The following LPP variants were observed in gnomAD, a reference collection of about 807,000 sequenced individuals.
The protein encoded by LPP is lipoma-preferred partner.
Under a neutral mutation model 60.4 loss-of-function variants are expected in LPP, and 38 were observed. That is an observed-to-expected ratio of 0.63 (90% CI 0.49 to 0.83). The LOEUF (loss-of-function observed/expected upper bound fraction) is 0.83, where lower values mean the gene tolerates loss of function less well. LPP is among the 40% of genes least tolerant of loss of function. LPP has a pLI of 0.00. For synonymous variants in LPP, 328 were observed against 290.8 expected (o/e 1.13, Z -1.30); for missense variants, 902 against 783.6 (o/e 1.15, Z -1.80).
chr3:188,158,099 T>A (rs1408363437), intron 1 of LPP, among the ~76,000 whole-genome samples: 2 of 152,136 alleles, frequency 1.3e-5, no homozygotes, highest in African/African-American at 4.8e-5. Context: ...GCGTCATCTC[T>A]GTGGGAGTAG....
In LPP at chr3:188,536,101, C is replaced by T. The variant is rs1265890543; in HGVS notation, c.429+11314C>T. 4.6e-5 allele frequency among the ~76,000 whole-genome samples: 7 copies of T among 151,244 alleles called. No individual in the cohort carries two copies. The South Asian group carries it at 6.3e-4, about 14-fold the overall frequency. ...TCATCTCACCGCAACCACTGCCTCC[C>T]GGGTTCAAGCAATTCTCCCACCTCA... On this transcript the variant is annotated intron_variant, in intron 6 of 11. Transcript: ENST00000617246.
intron 6 of LPP, among the ~76,000 whole-genome samples, chr3:188,529,979 C>T (rs1173111101): frequency 2.6e-5 from 4 of 152,114 alleles, no homozygotes; most frequent in Non-Finnish European, 4.4e-5. Flanking sequence ...GAGAGGACTG[C>T]GTAGAGCAGG....
chr3:188,546,695 C>G (rs955469859), intron 6 of LPP, among the ~76,000 whole-genome samples: 2 of 152,136 alleles, frequency 1.3e-5, no homozygotes, highest in South Asian at 2.1e-4. Context: ...CATCTATTCT[C>G]GTTCCACAAA....
chr3:188,463,851 A>G (rs1283701949), intron 4 of LPP, among the ~76,000 whole-genome samples: 5 of 152,134 alleles, frequency 3.3e-5, no homozygotes, highest in Admixed American at 6.6e-5. Context: ...TGCATCCTTT[A>G]TGTACTTGGT....
chr3:188,570,023 CT>C (rs5855208), intron 6 of LPP, among the ~76,000 whole-genome samples: 59,569 of 145,600 alleles, frequency 0.41, 12,090 homozygotes, highest in Non-Finnish European at 0.44. Context: ...AGTTTAATGG[CT>C]TTTTTTTTTT....
rs1398899862 is a variant in LPP, at chr3:188,185,200, C to T, written c.-190+30948C>T. Among the ~76,000 whole-genome samples, 5 of 149,806 alleles carry T rather than the reference C, an allele frequency of 3.3e-5. No individual in the cohort carries two copies. In the Admixed American group the frequency reaches 3.4e-4, roughly 10 times the overall value. On this transcript the variant is annotated intron_variant, in intron 1 of 11. Coordinates refer to ENST00000617246, the MANE Select transcript of LPP (RefSeq NM_001375462.1). ...AATTGTCCTCTGTTAATTTACAGCT[C>T]TGTGACCTCGAGAATGTTGTTTCTC... is the stretch of plus-strand genomic sequence containing the variant.
chr3:188,754,886 T>C (rs1167650948), intron 8 of LPP, among the ~76,000 whole-genome samples: 2 of 152,196 alleles, frequency 1.3e-5, no homozygotes, highest in Non-Finnish European at 2.9e-5. Flanking sequence ...CATTCTGTTA[T>C]CTTTTTGGGC....
At chr3:188,755,267 C>T (rs770110908) in intron 8 of LPP, among the ~76,000 whole-genome samples, 4 of 152,102 alleles carry the variant, frequency 2.6e-5, no homozygotes, top group Non-Finnish European at 5.9e-5. Context: ...ATATTTAATA[C>T]TTTACATTTG....
At chr3:188,247,417 A>G (rs1430327308) in intron 2 of LPP, among the ~76,000 whole-genome samples, 2 of 152,216 alleles carry the variant, frequency 1.3e-5, no homozygotes, top group Non-Finnish European at 2.9e-5. Context: ...AGACTTTAAC[A>G]TTTATTAATA....
chr3:188,359,532 A>G (rs967898219), intron 3 of LPP, among the ~76,000 whole-genome samples: 1 of 152,198 alleles, frequency 6.6e-6, no homozygotes, highest in Admixed American at 6.5e-5. Context: ...AAAGGGGAAG[A>G]GAGGCAGTAA....
At chr3:188,299,332 A>G (rs927204751) in intron 2 of LPP, among the ~76,000 whole-genome samples, 4 of 152,220 alleles carry the variant, frequency 2.6e-5, no homozygotes, top group Admixed American at 6.5e-5. Flanking sequence ...TCAATGGGAC[A>G]GGAAAGCGTC....
chr3:188,823,169 G>A, intron 9 of LPP, among the ~76,000 whole-genome samples: 1 of 152,158 alleles, frequency 6.6e-6, no homozygotes, highest in Non-Finnish European at 1.5e-5. Context: ...TTCTAGAAGA[G>A]ATGGGTGAAA....
intron 4 of LPP, among the ~76,000 whole-genome samples, chr3:188,480,594 C>G (rs945954311): frequency 2.6e-5 from 4 of 152,192 alleles, no homozygotes; most frequent in Admixed American, 2.0e-4. Context: ...CTGGACATTT[C>G]CATTTTAGAT....
chr3:188,733,030 T>C (rs1267012315), intron 8 of LPP, among the ~76,000 whole-genome samples: 1 of 151,988 alleles, frequency 6.6e-6, no homozygotes, highest in Non-Finnish European at 1.5e-5. Context: ...GAATCCCATG[T>C]GCAGGTCGAA....
intron 2 of LPP, among the ~76,000 whole-genome samples, chr3:188,265,042 C>T (rs1370566766): frequency 6.6e-6 from 1 of 152,160 alleles, no homozygotes; most frequent in Non-Finnish European, 1.5e-5. Context: ...CAAACTTCCA[C>T]CCACTTTCTG....
At chr3:188,687,809 C>G (rs1439563946) in intron 7 of LPP, among the ~76,000 whole-genome samples, 3 of 136,272 alleles carry the variant, frequency 2.2e-5, no homozygotes, top group Non-Finnish European at 3.1e-5. Context: ...AAGTCTCGCT[C>G]TGTCGCCCAG....
In LPP at chr3:188,610,254, A is replaced by C. The variant is rs950124270; in HGVS notation, c.1113+410A>C. 6.6e-6 allele frequency among the ~76,000 whole-genome samples: 1 copy of C among 152,246 alleles called. No homozygotes were observed. The highest frequency in any genetic ancestry group is 6.5e-5 in the Admixed American group (1 of 15,284). On this transcript the variant is annotated intron_variant, in intron 7 of 11. Coordinates refer to ENST00000617246, the MANE Select transcript of LPP (RefSeq NM_001375462.1). This position sits in a 1 kb window ranked among gnomAD's most constrained non-coding sequence, Gnocchi z 4.4. ...CATTAAACAGGTCTGTAGTATCTCA[A>C]GCCTCAGCAAGGGTAGTGATCTATG...
Position 188,609,140 on chromosome 3 carries a change from T to C in LPP, c.430-21T>C. On this transcript the variant is annotated intron_variant, in intron 6 of 11. Transcript: ENST00000617246. This position sits in a 1 kb window ranked among gnomAD's most constrained non-coding sequence, Gnocchi z 6.9. ...AGTAATTTTTGCTTTCTTTCTTTCT[T>C]TTTTTTCCTATTCTTTTTAGAGCTC... is the stretch of plus-strand genomic sequence containing the variant. 1 of 1,541,134 alleles carries C rather than the reference T, an allele frequency of 6.5e-7. No individual in the cohort carries two copies. The highest frequency in any genetic ancestry group is 1.2e-5 in the South Asian group (1 of 82,338).
In LPP at chr3:188,185,098, C is replaced by A. The variant is rs140033462; in HGVS notation, c.-190+30846C>A. On this transcript the variant is annotated intron_variant, in intron 1 of 11. Transcript: ENST00000617246. ...TATCTTCTATCTCTGTTTGCAGAGA[C>A]GCCTTCTTTTTATACTTCTTTTGAT... 2.1e-3 allele frequency among the ~76,000 whole-genome samples: 323 copies of A among 152,228 alleles called. 1 individual carries two copies. The highest frequency in any genetic ancestry group is 7.4e-3 in the African/African-American group (309 of 41,534).
Sources: allele counts gnomAD v4.1 joint callset (sites outside exome capture counted in the v4.1 genomes callset), GRCh38; gene constraint gnomAD v4.1.1; non-coding constraint Gnocchi (gnomAD v3.1); transcripts MANE v1.5; gene names NCBI Gene and HGNC (gene_info 2026-07-23, HGNC 2026-07-21).